Variants in MVB12B observed in about 807,000 individuals in gnomAD.
MVB12B encodes the protein multivesicular body subunit 12B, also known as ESCRT-I complex subunit MVB12B.
MVB12B carries 16 observed loss-of-function variants against 41.6 expected under a neutral mutation model. The observed-to-expected ratio is 0.38, with a 90% CI of 0.26 to 0.58. The LOEUF (loss-of-function observed/expected upper bound fraction) is 0.58. MVB12B is among the 20% of genes least tolerant of loss of function. MVB12B has a pLI of 0.62. For missense variants in MVB12B, 274 were observed against 380.2 expected, an observed-to-expected ratio of 0.72 and a Z score of 2.32; for synonymous variants, 133 against 139.7, an observed-to-expected ratio of 0.95 and a Z score of 0.34.
intron 2 of MVB12B, among the ~76,000 whole-genome samples, chr9:126,380,303 T>C (rs1039900083): frequency 6.6e-6 from 1 of 152,150 alleles, no homozygotes; most frequent in African/African-American, 2.4e-5. Context: ...CAAAGCCTGG[T>C]CTTTCATGGG....
intron 2 of MVB12B, among the ~76,000 whole-genome samples, chr9:126,377,576 G>A (rs1185881740): frequency 1.3e-5 from 2 of 152,090 alleles, no homozygotes; most frequent in African/African-American, 4.8e-5. Context: ...TGCCCTGATT[G>A]CAGAGTTGAC....
intron 6 of MVB12B, among the ~76,000 whole-genome samples, chr9:126,417,015 C>T (rs1026834663): frequency 2.0e-5 from 3 of 152,240 alleles, no homozygotes; most frequent in Non-Finnish European, 4.4e-5. Flanking sequence ...CCAAACTGTT[C>T]ATTCTCATTA....
chr9:126,358,516 C>T (rs1020669931), intron 2 of MVB12B, among the ~76,000 whole-genome samples: 24 of 152,150 alleles, frequency 1.6e-4, no homozygotes, highest in Non-Finnish European at 3.4e-4. Context: ...AGTGTAAAGT[C>T]TGCAGATCTT....
At chr9:126,327,199 G>C (rs1829005916) in intron 1 of MVB12B, 189 bp downstream of exon 1, 1 of 966,566 alleles carries the variant, frequency 1.0e-6, no homozygotes. Context: ...AGAGCCCCGA[G>C]CGCGCCGCGG....
intron 2 of MVB12B, among the ~76,000 whole-genome samples, chr9:126,350,474 T>C (rs932511876): frequency 2.6e-5 from 4 of 152,232 alleles, no homozygotes; most frequent in Non-Finnish European, 4.4e-5. Flanking sequence ...CATTAACACT[T>C]ACGTCTGTGA....
chr9:126,391,936 C>A lies in MVB12B; in HGVS notation c.410-130C>A. On this transcript the variant is annotated intron_variant, in intron 4 of 9. Coordinates refer to ENST00000361171, the MANE Select transcript of MVB12B (RefSeq NM_033446.3). This position sits in a 1 kb window ranked among gnomAD's most constrained non-coding sequence, Gnocchi z 4.4. ...AGGCAGGCGGCAGAGCGCAGCCCTT[C>A]TGTCCAGCAGCTTAGGTGACCTGCC... is the stretch of plus-strand genomic sequence containing the variant. 1.8e-6 allele frequency: 2 copies of A among 1,087,350 alleles called. No homozygotes were observed. The highest frequency in any genetic ancestry group is 2.7e-6 in the Non-Finnish European group (2 of 730,616). 67.4% of individuals were successfully genotyped at this position (1,087,350 alleles called of 1,614,324 possible).
chr9:126,353,517 G>T (rs1829806375), intron 2 of MVB12B, among the ~76,000 whole-genome samples: 1 of 152,174 alleles, frequency 6.6e-6, no homozygotes, highest in Non-Finnish European at 1.5e-5. Context: ...TTAATAGCAG[G>T]ACTTTCCTCA....
intron 7 of MVB12B, among the ~76,000 whole-genome samples, chr9:126,456,360 C>T (rs1187873466): frequency 6.6e-6 from 1 of 152,190 alleles, no homozygotes; most frequent in African/African-American, 2.4e-5. Flanking sequence ...TTCAGGTGAA[C>T]TTGTTAGAAC....
intron 6 of MVB12B, among the ~76,000 whole-genome samples, chr9:126,414,491 CCAAA>C (rs1210692086): frequency 2.6e-5 from 4 of 152,160 alleles, no homozygotes; most frequent in Admixed American, 1.3e-4. Flanking sequence ...TCTCCAGTGA[CCAAA>C]CAGATTTTGG....
chr9:126,368,830 A>G (rs930004596), intron 2 of MVB12B, among the ~76,000 whole-genome samples: 6 of 152,020 alleles, frequency 3.9e-5, no homozygotes, highest in African/African-American at 1.2e-4. Context: ...TTTCTTCCTG[A>G]CTTTTTTCTC....
chr9:126,397,502 C>G (rs139995969), intron 6 of MVB12B: 1 of 985,320 alleles, frequency 1.0e-6, no homozygotes, highest in Non-Finnish European at 1.2e-6. Context: ...TTTTGTTTTA[C>G]TTGCCAAATA....
rs1831094908 is a variant in MVB12B, at chr9:126,395,751, A to C, written c.662+54A>C. 1 of 1,598,710 alleles carries C rather than the reference A, an allele frequency of 6.3e-7. No homozygotes were observed. Among genetic ancestry groups the C allele is most frequent in the South Asian group, 1.1e-5 (1 of 88,992 alleles). On this transcript the variant is annotated intron_variant, in intron 6 of 9. Coordinates refer to ENST00000361171, the MANE Select transcript of MVB12B (RefSeq NM_033446.3). This position sits in a 1 kb window ranked among gnomAD's most constrained non-coding sequence, Gnocchi z 4.9. ...GTCCTGTGGTCTTAGGTCCCTGCAC[A>C]ACATTTTAGAACACCACCACTTAGT...
rs115379660 is a variant in MVB12B, at chr9:126,447,643, T to C, written c.757+25695T>C. Among the ~76,000 whole-genome samples, 325 of 152,312 alleles carry C rather than the reference T, an allele frequency of 2.1e-3. 3 individuals are homozygous for C. The highest frequency in any genetic ancestry group is 7.6e-3 in the African/African-American group (315 of 41,572). On this transcript the variant is annotated intron_variant, in intron 7 of 9. Coordinates refer to ENST00000361171, the MANE Select transcript of MVB12B (RefSeq NM_033446.3). ...CTCCGTTGATACTTGAAAACACATC[T>C]TCTCTCTGTCACAGTGTTTGAGATA... is the stretch of plus-strand genomic sequence containing the variant.
chr9:126,347,466 A>G (rs1201766594), intron 2 of MVB12B, among the ~76,000 whole-genome samples: 1 of 152,274 alleles, frequency 6.6e-6, no homozygotes, highest in African/African-American at 2.4e-5. Context: ...TATATGCCCA[A>G]AACGTAGTAG....
intron 2 of MVB12B, among the ~76,000 whole-genome samples, chr9:126,350,566 G>A (rs1642825258): frequency 6.6e-6 from 1 of 152,240 alleles, no homozygotes; most frequent in Non-Finnish European, 1.5e-5. Context: ...GCTTGGTGAA[G>A]ATTCAGCAGA....
chr9:126,365,230 T>TTTC (rs1486198945), intron 2 of MVB12B, among the ~76,000 whole-genome samples: 1 of 146,008 alleles, frequency 6.8e-6, no homozygotes, highest in Non-Finnish European at 1.5e-5. Context: ...ATTTTTTTTT[T>TTTC]TTTTTTTTGT....
chr9:126,474,540 C>T (rs1014602382), intron 7 of MVB12B, among the ~76,000 whole-genome samples: 10 of 152,172 alleles, frequency 6.6e-5, no homozygotes, highest in African/African-American at 2.2e-4. Flanking sequence ...TTAGCAGTCC[C>T]ACAGATCAGC....
chr9:126,430,663 C>T (rs187846229), intron 7 of MVB12B, among the ~76,000 whole-genome samples: 9 of 151,760 alleles, frequency 5.9e-5, no homozygotes, highest in Admixed American at 2.6e-4. Flanking sequence ...CAACAGTCAC[C>T]GAGAGCTGCC....
At chr9:126,369,172 A>AT (rs1388607895) in intron 2 of MVB12B, among the ~76,000 whole-genome samples, 1 of 152,192 alleles carries the variant, frequency 6.6e-6, no homozygotes, top group African/African-American at 2.4e-5. Flanking sequence ...TTTTGAAAAA[A>AT]TTTTTAATTA....
Sources: allele counts gnomAD v4.1 joint callset (sites outside exome capture counted in the v4.1 genomes callset), GRCh38; gene constraint gnomAD v4.1.1; non-coding constraint Gnocchi (gnomAD v3.1); transcripts MANE v1.5; gene names NCBI Gene and HGNC (gene_info 2026-07-23, HGNC 2026-07-21).